The following RGS12 variants were observed in gnomAD, a reference collection of about 807,000 sequenced individuals.
The protein encoded by RGS12 is regulator of G protein signaling 12.
In RGS12, 66 loss-of-function variants were observed where a neutral mutation model predicts 120.1. That is an observed-to-expected ratio of 0.55 (90% CI 0.45 to 0.67). RGS12 has a LOEUF of 0.67. Ranked by LOEUF, RGS12 falls within the 30% of genes least tolerant of loss-of-function variation. RGS12 has a pLI of 0.00. For missense variants in RGS12, 1,859 were observed against 1,957.7 expected (o/e 0.95, Z 0.95); for synonymous variants, 827 against 804.7 (o/e 1.03, Z -0.47).
Position 3,417,085 on chromosome 4 carries a change from C to CA in RGS12, c.2606dup (p.Leu870ValfsTer13). 2 of 1,598,642 alleles carry CA rather than the reference C, an allele frequency of 1.3e-6. No homozygotes were observed. Among genetic ancestry groups the CA allele is most frequent in the Non-Finnish European group, 8.6e-7 (1 of 1,169,288 alleles). On this transcript the variant is annotated frameshift_variant, in exon 8 of 18. Coordinates refer to ENST00000336727, the MANE Select transcript of RGS12 (RefSeq NM_001394154.1). LOFTEE classifies it high-confidence loss of function. ...TCAGACCACTCCAGTGTGTCCACGC[C>CA]AAAAAAGGTGACCTCCCCGAGGCTG... is the stretch of plus-strand genomic sequence containing the variant.
intron 1 of RGS12, among the ~76,000 whole-genome samples, chr4:3,297,997 A>AT (rs1194108901): frequency 2.6e-5 from 4 of 152,008 alleles, no homozygotes; most frequent in African/African-American, 9.7e-5. Context: ...TTAGACAATG[A>AT]TTTTTTCGGA....
rs1719194523 is a variant in RGS12 at position 3,389,153 on chromosome 4, G to A, written c.2020+2716G>A. Among the ~76,000 whole-genome samples the A allele has an allele frequency of 6.6e-6, 1 of 152,192 alleles. No individual in the cohort carries two copies. Among genetic ancestry groups the A allele is most frequent in the Admixed American group, 6.5e-5 (1 of 15,284 alleles). On this transcript the variant is annotated intron_variant, in intron 4 of 17. Transcript: ENST00000336727. This position sits in a 1 kb window ranked among gnomAD's most constrained non-coding sequence, Gnocchi z 5.2. ...AGTTTTGTGGCTCGGTTTTAAGGAAGTTGGACTATGCTATTTTGGCAATCT... is the reference window on the plus strand; with the variant it reads ...AGTTTTGTGGCTCGGTTTTAAGGAAATTGGACTATGCTATTTTGGCAATCT...
chr4:3,378,478 A>G (rs940453828), intron 3 of RGS12: 8 of 152,242 alleles, frequency 5.3e-5, no homozygotes, highest in African/African-American at 1.9e-4. Context: ...TGAAAAACGA[A>G]CCTGTGAATG....
upstream of RGS12, chr4:3,292,944 A>C (rs1460175807): frequency 1.2e-5 from 1 of 85,114 alleles, no homozygotes. Flanking sequence ...CCGCCTCACC[A>C]GGTTCGCCCC....
At chr4:3,428,242 C>A in intron 15 of RGS12, 73 bp downstream of exon 15, 2 of 1,318,090 alleles carry the variant, frequency 1.5e-6, no homozygotes, top group East Asian at 2.3e-5. Context: ...GCGCAGTGCC[C>A]TGGTGCTTCC....
intron 2 of RGS12, among the ~76,000 whole-genome samples, chr4:3,340,335 A>G (rs1712932963): frequency 6.6e-6 from 1 of 152,266 alleles, no homozygotes; most frequent in Non-Finnish European, 1.5e-5. Flanking sequence ...CATGGCTGAC[A>G]GCGGTGTCAC....
At chr4:3,382,172 T>C (rs1169827682) in intron 3 of RGS12, among the ~76,000 whole-genome samples, 1 of 152,208 alleles carries the variant, frequency 6.6e-6, no homozygotes, top group Admixed American at 6.5e-5. Flanking sequence ...ATTTTACATA[T>C]TTGTGATTAT....
rs1239992743 is a variant in RGS12 at position 3,428,708 on chromosome 4, G to A, written c.3562G>A (p.Glu1188Lys). ...KYQKINLDEAEEFFELISKAQ... is the reference protein window; with the variant it reads ...KYQKINLDEAKEFFELISKAQ... The stretch of plus-strand genomic sequence containing the variant: ...TCAGAAAATTAATTTGGACGAAGCA[G>A]AGGGTATGTGAACTTTTTAAAACTT... Residue 1188 changes from glutamate to lysine, a missense_variant, in exon 16 of 18, where the codon GAG (glutamate) becomes AAG (lysine). Glu to Lys is a moderately conservative substitution (Grantham distance 56, BLOSUM62 1). This residue lies in a region of RGS12 where 517 missense variants were observed against 488.5 expected (regional missense o/e 1.06). Transcript: ENST00000336727. 1 of 1,587,618 alleles carries A rather than the reference G, an allele frequency of 6.3e-7. No individual in the cohort carries two copies. The highest frequency in any genetic ancestry group is 1.2e-5 in the South Asian group (1 of 85,836).
chr4:3,320,944 G>A (rs1725139521), intron 2 of RGS12, among the ~76,000 whole-genome samples: 1 of 152,208 alleles, frequency 6.6e-6, no homozygotes, highest in African/African-American at 2.4e-5. Flanking sequence ...AAGCAGCAGA[G>A]TTGGCACAGG....
rs541796481 is a variant in RGS12 at position 3,372,491 on chromosome 4, C to T, written c.1999-13925C>T. 1.3e-5 allele frequency among the ~76,000 whole-genome samples: 2 copies of T among 152,240 alleles called. No individual in the cohort carries two copies. Among genetic ancestry groups the T allele is most frequent in the African/African-American group, 4.8e-5 (2 of 41,452 alleles). ...GGAGCCGCCCGAGCTGTTGGCTTCCCCGATGTTCCCCCTGTGCTCGAGCTA... is the reference window on the plus strand; with the variant it reads ...GGAGCCGCCCGAGCTGTTGGCTTCCTCGATGTTCCCCCTGTGCTCGAGCTA... On this transcript the variant is annotated intron_variant, in intron 3 of 17. Transcript: ENST00000336727. This position sits in a 1 kb window ranked among gnomAD's most constrained non-coding sequence, Gnocchi z 4.3.
At position 3,342,966 on chromosome 4, in the gene RGS12, C is replaced by T. The variant is rs1560101239; in HGVS notation, c.1911C>T (p.Leu637=). 3.7e-6 allele frequency: 6 copies of T among 1,613,836 alleles called. No homozygotes were observed. In the East Asian group the frequency reaches 6.7e-5, roughly 18 times the overall value. ...CAAAATTTGGGCGGGGAACTGGACTCACTCAGCCTTCTCAACGCACGTCTG... is the reference window on the plus strand; with the variant it reads ...CAAAATTTGGGCGGGGAACTGGACTTACTCAGCCTTCTCAACGCACGTCTG... The part of the protein sequence containing the change: ...KGSKFGRGTG[L]TQPSQRTSAR... The change falls in exon 3 of 18, where the codon CTC becomes CTT. Residue 637 remains leucine (L), a synonymous_variant. Transcript: ENST00000336727.
In RGS12 at chr4:3,316,055, G is replaced by A. The variant is rs901046236; in HGVS notation, c.-101-15G>A. Reference sequence around the variant, plus strand: ...TGGGCTCTTTAATAATGAGCTGTTCGTTTTTCTTTCTTAGGGCACTGTTTG... The same window carrying A: ...TGGGCTCTTTAATAATGAGCTGTTCATTTTTCTTTCTTAGGGCACTGTTTG... On this transcript the variant is annotated splice_polypyrimidine_tract_variant and intron_variant, in intron 1 of 17. Transcript: ENST00000336727. 44 of 1,053,852 alleles carry A rather than the reference G, an allele frequency of 4.2e-5. 1 individual carries two copies. In the Admixed American group the frequency reaches 8.9e-4, roughly 21 times the overall value. The allele number at this position is 1,053,852 out of a possible 1,614,324, so 65.3% of individuals were successfully genotyped here. A position where few individuals can be genotyped will look rare whatever the true frequency, so the allele number is the denominator to read the frequency against.
intron 1 of RGS12, among the ~76,000 whole-genome samples, chr4:3,297,597 G>A (rs1723453888): frequency 6.6e-6 from 1 of 152,182 alleles, no homozygotes; most frequent in South Asian, 2.1e-4. Flanking sequence ...GGAGTGCCCT[G>A]AGCACAGGTC....
At chr4:3,330,057 G>A (rs750597452) in intron 2 of RGS12, among the ~76,000 whole-genome samples, 7 of 152,240 alleles carry the variant, frequency 4.6e-5, no homozygotes, top group Non-Finnish European at 1.0e-4. Context: ...CTTTCTTGCT[G>A]TGTGAGGATG....
At chr4:3,359,534 C>A in intron 3 of RGS12, among the ~76,000 whole-genome samples, 1 of 143,946 alleles carries the variant, frequency 6.9e-6, no homozygotes, top group African/African-American at 2.6e-5. Context: ...AGGTCCAGGG[C>A]TTTCCTTTAT....
chr4:3,422,844 G>T (rs1560170471), intron 11 of RGS12, 61 bp from the exon 12 acceptor site: 2 of 1,434,008 alleles, frequency 1.4e-6, no homozygotes, highest in Middle Eastern at 1.8e-4. Flanking sequence ...GGGGCACGTG[G>T]GTCTGCGTTT....
intron 3 of RGS12, among the ~76,000 whole-genome samples, chr4:3,357,561 T>A (rs1376846197): frequency 6.6e-6 from 1 of 151,982 alleles, no homozygotes; most frequent in African/African-American, 2.4e-5. Flanking sequence ...TAGGTAAAGG[T>A]CCATTTTTAT....
chr4:3,291,800 C>T (rs1723037341), upstream of RGS12, among the ~76,000 whole-genome samples: 1 of 152,212 alleles, frequency 6.6e-6, no homozygotes, highest in South Asian at 2.1e-4. Context: ...ACAGTTCCCT[C>T]CCTGCTGTTA....
chr4:3,308,061 G>A (rs999624756), intron 1 of RGS12, among the ~76,000 whole-genome samples: 1 of 152,240 alleles, frequency 6.6e-6, no homozygotes, highest in African/African-American at 2.4e-5. Context: ...TTGGTGAGCT[G>A]CCCCAGGACC....
Sources: gnomAD v4.1 joint callset for allele counts (sites outside exome capture counted in the v4.1 genomes callset) on GRCh38, gnomAD v4.1.1 for gene constraint, gnomAD v4.1.1 regional missense constraint, Gnocchi (gnomAD v3.1) non-coding constraint, MANE v1.5 for transcripts, NCBI Gene and HGNC (gene_info 2026-07-23, HGNC 2026-07-21) for gene names.